Variants in RNLS observed in about 807,000 individuals in gnomAD.
The protein encoded by RNLS is renalase.
RNLS carries 39 observed loss-of-function variants against 39.8 expected under a neutral mutation model. The ratio of observed to expected loss-of-function variants is 0.98; its 90% CI spans 0.76 to 1.28. The LOEUF is 1.28. Ranked by LOEUF, RNLS falls within the 50% of genes most tolerant of loss-of-function variation. The pLI is 0.00. For synonymous variants in RNLS, 147 were observed against 150.7 expected, an observed-to-expected ratio of 0.98 and a Z score of 0.18; for missense variants, 410 against 413.3, an observed-to-expected ratio of 0.99 and a Z score of 0.07.
chr10:88,189,080 A>C, the RNLS span, among the ~76,000 whole-genome samples: 2 of 152,220 alleles, frequency 1.3e-5, no homozygotes, highest in African/African-American at 2.4e-5. Flanking sequence ...ATCAAGTTCT[A>C]ATATTCTAAG....
At chr10:88,302,871 G>C (rs1844630657) in intron 6 of RNLS, among the ~76,000 whole-genome samples, 1 of 152,098 alleles carries the variant, frequency 6.6e-6, no homozygotes, top group African/African-American at 2.4e-5. Context: ...CAGGGAGAGG[G>C]GGGAGGCAAG....
intron 4 of RNLS, among the ~76,000 whole-genome samples, chr10:88,409,663 A>G (rs920733877): frequency 7.2e-5 from 11 of 152,170 alleles, no homozygotes; most frequent in African/African-American, 2.7e-4. Flanking sequence ...AATGCCAGTC[A>G]TTAATCTTCT....
chr10:88,440,454 A>G (rs1841648616), intron 4 of RNLS, among the ~76,000 whole-genome samples: 1 of 152,216 alleles, frequency 6.6e-6, no homozygotes, highest in African/African-American at 2.4e-5. Flanking sequence ...GAAAAGTGCT[A>G]CTCACTTTGA....
At chr10:88,377,259 C>CAT in intron 4 of RNLS, among the ~76,000 whole-genome samples, 1 of 144,052 alleles carries the variant, frequency 6.9e-6, no homozygotes, top group South Asian at 2.1e-4. Flanking sequence ...CACACACACA[C>CAT]GCACACATCC....
intron 4 of RNLS, among the ~76,000 whole-genome samples, chr10:88,380,693 T>A (rs974660366): frequency 1.7e-4 from 26 of 152,096 alleles, no homozygotes; most frequent in African/African-American, 6.3e-4. Context: ...CGGTTTTGTG[T>A]CTTTTTTAGA....
rs750833207 is a variant in RNLS, at chr10:88,314,566, A to C, written c.776T>G (p.Ile259Ser). ...GAAGACTAACTCTTGCACATCCTCAATGCTGTGTTCCAAGTATGTAACTCC... is the reference window on the plus strand; with the variant it reads ...GAAGACTAACTCTTGCACATCCTCACTGCTGTGTTCCAAGTATGTAACTCC... ...PFGVTYLEHS[I>S]EDVQELVFQQ... The change falls in exon 6 of 7, where the codon ATT (isoleucine) becomes AGT (serine). Residue 259 changes from isoleucine (I) to serine (S), a missense_variant. Ile to Ser is a moderately radical substitution (Grantham distance 142). Coordinates refer to ENST00000331772, the MANE Select transcript of RNLS (RefSeq NM_001031709.3). The C allele has an allele frequency of 6.2e-7, 1 of 1,613,988 alleles. No homozygotes were observed. Among genetic ancestry groups the C allele is most frequent in the East Asian group, 2.2e-5 (1 of 44,868 alleles).
chr10:88,446,445 G>A (rs185590888), intron 4 of RNLS, among the ~76,000 whole-genome samples: 2,128 of 152,096 alleles, frequency 0.014, 90 homozygotes, highest in South Asian at 0.11. Flanking sequence ...GCTAGCAGAA[G>A]GCAAGAAATA....
chr10:88,565,167 A>T (rs147471190), intron 4 of RNLS, among the ~76,000 whole-genome samples: 166 of 152,284 alleles, frequency 1.1e-3, no homozygotes, highest in Non-Finnish European at 2.0e-3. Context: ...TCCCTGTGAT[A>T]TGCAGTTTTG....
chr10:88,527,199 T>A (rs1415292452), intron 4 of RNLS, among the ~76,000 whole-genome samples: 1 of 152,026 alleles, frequency 6.6e-6, no homozygotes, highest in South Asian at 2.1e-4. Flanking sequence ...CACTCTCGCC[T>A]CCCCAGCTTC....
At chr10:88,498,795 A>G (rs1021055282) in intron 4 of RNLS, among the ~76,000 whole-genome samples, 1 of 152,084 alleles carries the variant, frequency 6.6e-6, no homozygotes, top group Non-Finnish European at 1.5e-5. Context: ...TTGATAAAAC[A>G]AATGTGGTAA....
chr10:88,406,033 G>C (rs566970733), intron 4 of RNLS, among the ~76,000 whole-genome samples: 1 of 152,160 alleles, frequency 6.6e-6, no homozygotes, highest in Non-Finnish European at 1.5e-5. Context: ...TTTTGTTTGA[G>C]GAGGCTGAAG....
chr10:88,554,705 G>T (rs1454258805), intron 4 of RNLS, among the ~76,000 whole-genome samples: 1 of 151,904 alleles, frequency 6.6e-6, no homozygotes, highest in East Asian at 1.9e-4. Flanking sequence ...ATTATTTTGG[G>T]AGAACTGTCT....
At chr10:88,366,446 GTGTGTGTGTGTT>G (rs1458791696) in intron 4 of RNLS, among the ~76,000 whole-genome samples, 3 of 151,460 alleles carry the variant, frequency 2.0e-5, no homozygotes, top group Non-Finnish European at 4.4e-5. Flanking sequence ...AAATATATAG[GTGTGTGTGTGTT>G]TGTGTGTGTG....
the RNLS span, among the ~76,000 whole-genome samples, chr10:88,213,815 C>T: frequency 6.6e-6 from 1 of 152,082 alleles, no homozygotes; most frequent in South Asian, 2.1e-4. Context: ...AGACTTTTTC[C>T]CCGATTTGCT....
chr10:88,264,593 T>A, the RNLS span, among the ~76,000 whole-genome samples: 4 of 152,196 alleles, frequency 2.6e-5, no homozygotes, highest in South Asian at 2.1e-4. Flanking sequence ...ATTTTTCAGT[T>A]GTGCATTTCT....
intron 4 of RNLS, among the ~76,000 whole-genome samples, chr10:88,521,623 C>A (rs1410246706): frequency 4.0e-5 from 6 of 151,882 alleles, no homozygotes; most frequent in East Asian, 1.9e-4. Flanking sequence ...TCATAACTGG[C>A]AACAATTTGA....
chr10:88,327,019 A>C (rs1397141760), intron 5 of RNLS, among the ~76,000 whole-genome samples: 1 of 152,086 alleles, frequency 6.6e-6, no homozygotes. Context: ...TCCCATTTGG[A>C]ATGGGAGCAT....
At position 88,480,819 on chromosome 10, in the gene RNLS, G is replaced by A. The variant is rs187728992; in HGVS notation, c.526+92084C>T. Among the ~76,000 whole-genome samples, 31 of 151,452 alleles carry A rather than the reference G, an allele frequency of 2.0e-4. 1 individual carries two copies. The highest frequency in any genetic ancestry group is 5.9e-4 in the Admixed American group (9 of 15,178). ...TGTGTGTGTGTGTGTGTGTGTGTGTGTATGTGTTCTATTACAAATGGAATT... is the reference window on the plus strand; with the variant it reads ...TGTGTGTGTGTGTGTGTGTGTGTGTATATGTGTTCTATTACAAATGGAATT... On this transcript the variant is annotated intron_variant, in intron 4 of 6. Coordinates refer to ENST00000331772, the MANE Select transcript of RNLS (RefSeq NM_001031709.3).
At chr10:88,565,328 G>C (rs1849429012) in intron 4 of RNLS, among the ~76,000 whole-genome samples, 1 of 151,802 alleles carries the variant, frequency 6.6e-6, no homozygotes, top group South Asian at 2.1e-4. Context: ...AGAAGCCTAA[G>C]ACGTCTAATA....
Sources: gnomAD v4.1 joint callset for allele counts (sites outside exome capture counted in the v4.1 genomes callset) on GRCh38, gnomAD v4.1.1 for gene constraint, MANE v1.5 for transcripts, NCBI Gene and HGNC (gene_info 2026-07-23, HGNC 2026-07-21) for gene names.